CPEB3: variants seen among roughly 807,000 people sequenced by gnomAD.
The protein encoded by CPEB3 is cytoplasmic polyadenylation element-binding protein 3.
In CPEB3, 20 loss-of-function variants were observed where a neutral mutation model predicts 67.2. The observed-to-expected ratio is 0.30, with a 90% CI of 0.21 to 0.43. The LOEUF (loss-of-function observed/expected upper bound fraction) is 0.43. Among genes scored for constraint, CPEB3 ranks in the 20% least tolerant of loss-of-function variants. CPEB3 has a pLI of 1.00. For missense variants in CPEB3, 746 were observed against 968.6 expected (o/e 0.77, Z 3.05); for synonymous variants, 376 against 393.1 (o/e 0.96, Z 0.51).
Position 92,239,721 on chromosome 10 carries a change from G to A in CPEB3, c.630C>T (p.Tyr210=). 4.6e-6 allele frequency: 7 copies of A among 1,537,718 alleles called. No homozygotes were observed. Among genetic ancestry groups the A allele is most frequent in the East Asian group, 2.4e-5 (1 of 41,024 alleles). ...TGCTGGTCATGATGGGCTGGTGGCC[G>A]TACGCCGCGGCGGCGCTCCTCTGCG... ...PYAQRSAAAA[Y]GHQPIMTSKP... The change falls in exon 2 of 10, where the codon TAC becomes TAT. Residue 210 remains tyrosine (Y), a synonymous_variant. Coordinates refer to ENST00000265997, the MANE Select transcript of CPEB3 (RefSeq NM_014912.5). The surrounding 1 kb of genome is among the most constrained non-coding windows in gnomAD (Gnocchi z 6.0).
intron 2 of CPEB3, among the ~76,000 whole-genome samples, chr10:92,220,721 T>C (rs1277817027): frequency 1.3e-5 from 2 of 152,232 alleles, no homozygotes; most frequent in Non-Finnish European, 1.5e-5. Flanking sequence ...CAGGCCTTGA[T>C]GTTAAACATC....
intron 2 of CPEB3, among the ~76,000 whole-genome samples, chr10:92,233,052 C>T (rs576194680): frequency 1.3e-5 from 2 of 152,170 alleles, no homozygotes; most frequent in South Asian, 4.1e-4. Flanking sequence ...TCATATCAAC[C>T]ATGTCATAAC....
chr10:92,269,462 T>C (rs1853205812), intron 1 of CPEB3, among the ~76,000 whole-genome samples: 1 of 152,080 alleles, frequency 6.6e-6, no homozygotes. Context: ...AATCTTCATG[T>C]TCAAATATTT....
chr10:92,126,803 G>C (rs985717031), intron 6 of CPEB3, among the ~76,000 whole-genome samples: 1 of 152,198 alleles, frequency 6.6e-6, no homozygotes, highest in African/African-American at 2.4e-5. Context: ...CAAAAGCTGT[G>C]TGTTCTTATG....
At chr10:92,237,458 T>G (rs1851595371) in intron 2 of CPEB3, among the ~76,000 whole-genome samples, 1 of 152,212 alleles carries the variant, frequency 6.6e-6, no homozygotes, top group African/African-American at 2.4e-5. Flanking sequence ...GTTTGCTGTG[T>G]AACAACTGGC....
intron 6 of CPEB3, among the ~76,000 whole-genome samples, chr10:92,115,023 A>T (rs1844937664): frequency 6.6e-6 from 1 of 152,230 alleles, no homozygotes; most frequent in Non-Finnish European, 1.5e-5. Flanking sequence ...GCCGCCTGGC[A>T]GCTCCTCCTC....
intron 6 of CPEB3, among the ~76,000 whole-genome samples, chr10:92,116,587 C>T (rs1441590848): frequency 6.6e-6 from 1 of 151,938 alleles, no homozygotes; most frequent in Non-Finnish European, 1.5e-5. Context: ...AAATTATCAA[C>T]TTCCTCTGCT....
chr10:92,181,454 C>T (rs539448744), intron 3 of CPEB3, among the ~76,000 whole-genome samples: 4 of 149,884 alleles, frequency 2.7e-5, no homozygotes, highest in African/African-American at 9.8e-5. Context: ...TTCATAGTGG[C>T]TCAAAAATGC....
In CPEB3 at chr10:92,112,655, G is replaced by A. The variant is rs538864235; in HGVS notation, c.1454-1461C>T. On this transcript the variant is annotated intron_variant, in intron 6 of 9. Transcript: ENST00000265997. ...ACCTGTGGCACTTGTGGCCACACTGGCATTCATAAATGATGACAGAGCAAA... is the reference window on the plus strand; with the variant it reads ...ACCTGTGGCACTTGTGGCCACACTGACATTCATAAATGATGACAGAGCAAA... Among the ~76,000 whole-genome samples the A allele has an allele frequency of 3.3e-4, 51 of 152,272 alleles. 1 individual carries two copies. The highest frequency in any genetic ancestry group is 2.5e-3 in the Admixed American group (38 of 15,286).
At chr10:92,068,363 G>GT (rs1842632699) in intron 9 of CPEB3, among the ~76,000 whole-genome samples, 1 of 152,102 alleles carries the variant, frequency 6.6e-6, no homozygotes, top group Non-Finnish European at 1.5e-5. Flanking sequence ...TGTGAAATGA[G>GT]TAACTATCAT....
chr10:92,216,487 G>A, intron 2 of CPEB3: 1 of 1,613,086 alleles, frequency 6.2e-7, no homozygotes, highest in Non-Finnish European at 8.5e-7. Context: ...AATGCATTAA[G>A]AAAGCGGTGA....
chr10:92,215,326 G>C (rs576689061), intron 2 of CPEB3, among the ~76,000 whole-genome samples: 1 of 150,096 alleles, frequency 6.7e-6, no homozygotes, highest in Non-Finnish European at 1.5e-5. Context: ...CTAATTTTTC[G>C]CATTTTTAGT....
chr10:92,235,764 C>A lies in CPEB3; in HGVS notation c.1005+3582G>T, dbSNP rs1851500988. On this transcript the variant is annotated intron_variant, in intron 2 of 9. Transcript: ENST00000265997. ...AAAGCTTGCTTATGACAGAAATTATCAACCTGAACCTGGGTACGTCACCTC... is the reference window on the plus strand; with the variant it reads ...AAAGCTTGCTTATGACAGAAATTATAAACCTGAACCTGGGTACGTCACCTC... Among the ~76,000 whole-genome samples, 2 of 152,210 alleles carry A rather than the reference C, an allele frequency of 1.3e-5. 1 individual carries two copies. The highest frequency in any genetic ancestry group is 4.1e-4 in the South Asian group (2 of 4,834).
chr10:92,243,591 G>A (rs1421880390), intron 1 of CPEB3, among the ~76,000 whole-genome samples: 3 of 152,166 alleles, frequency 2.0e-5, no homozygotes, highest in Non-Finnish European at 4.4e-5. Flanking sequence ...GAATGGTAAT[G>A]ACTGGGTAGC....
At chr10:92,183,213 G>C (rs535106771) in intron 3 of CPEB3, among the ~76,000 whole-genome samples, 1 of 151,940 alleles carries the variant, frequency 6.6e-6, no homozygotes, top group East Asian at 1.9e-4. Flanking sequence ...TTTCATAAAC[G>C]TTTTCATATT....
intron 2 of CPEB3, among the ~76,000 whole-genome samples, chr10:92,203,028 G>A (rs1445775437): frequency 1.3e-5 from 2 of 149,532 alleles, no homozygotes; most frequent in African/African-American, 4.9e-5. Flanking sequence ...TGCAACCTCT[G>A]CCTCCCAGGT....
chr10:92,204,836 CTTTTTTT>C (rs750482213), intron 2 of CPEB3, among the ~76,000 whole-genome samples: 3 of 125,054 alleles, frequency 2.4e-5, no homozygotes, highest in East Asian at 4.3e-4. Flanking sequence ...ATCTTAACCA[CTTTTTTT>C]TTTTTTTTTT....
rs1590040393 is a variant in CPEB3 at position 92,054,863 on chromosome 10, T to C, written c.1870-2424A>G. Among the ~76,000 whole-genome samples, 4 of 152,244 alleles carry C rather than the reference T, an allele frequency of 2.6e-5. No individual in the cohort carries two copies. The East Asian group carries it at 5.8e-4, about 22-fold the overall frequency. The stretch of plus-strand genomic sequence containing the variant: ...GCTGTAATCCCAATGCTTGGAAATA[T>C]AGCCACCAGATGTGAGGACCTATGT... On this transcript the variant is annotated intron_variant, in intron 9 of 9. Coordinates refer to ENST00000265997, the MANE Select transcript of CPEB3 (RefSeq NM_014912.5).
intron 4 of CPEB3, among the ~76,000 whole-genome samples, chr10:92,156,346 G>A (rs995078565): frequency 1.3e-5 from 2 of 152,136 alleles, no homozygotes; most frequent in Non-Finnish European, 2.9e-5. Context: ...TAATGATGTT[G>A]GTGAAAGAGG....
Sources: allele counts gnomAD v4.1 joint callset (sites outside exome capture counted in the v4.1 genomes callset), GRCh38; gene constraint gnomAD v4.1.1; non-coding constraint Gnocchi (gnomAD v3.1); transcripts MANE v1.5; gene names NCBI Gene and HGNC (gene_info 2026-07-23, HGNC 2026-07-21).